Variants in BAHCC1 observed in about 807,000 individuals in gnomAD.
BAHCC1 encodes BAH and coiled-coil domain-containing protein 1.
Under a neutral mutation model 88.2 loss-of-function variants are expected in BAHCC1, and 43 were observed. The ratio of observed to expected loss-of-function variants is 0.49; its 90% CI spans 0.38 to 0.63. The LOEUF is 0.63. BAHCC1 is among the 20% of genes least tolerant of loss of function. The pLI is 0.00. For synonymous variants in BAHCC1, 1,510 were observed against 745.5 expected (o/e 2.03, Z -16.71); for missense variants, 3,023 against 1,654.8 (o/e 1.83, Z -14.34).
chr17:81,442,128 G>C lies in BAHCC1; in HGVS notation c.779G>C (p.Gly260Ala). ...HKLVLPVPAD[G>A]HCREGGPAPR... ...CTGGTGCTGCCCGTGCCAGCCGACGGGCACTGCAGGGAGGGCGGCCCCGCA... is the reference window on the plus strand; with the variant it reads ...CTGGTGCTGCCCGTGCCAGCCGACGCGCACTGCAGGGAGGGCGGCCCCGCA... Residue 260 changes from glycine to alanine, a missense_variant, in exon 5 of 28, where the codon GGG (glycine) becomes GCG (alanine). Coordinates refer to ENST00000675386, the MANE Select transcript of BAHCC1 (RefSeq NM_001377448.1). 1.5e-6 allele frequency: 1 copy of C among 674,168 alleles called. No individual in the cohort carries two copies. The allele number at this position is 674,168 out of a possible 1,614,324, so 41.8% of individuals were successfully genotyped here. A position where few individuals can be genotyped will look rare whatever the true frequency, so the allele number is the denominator to read the frequency against.
chr17:81,433,537 C>T (rs958636955), intron 3 of BAHCC1, among the ~76,000 whole-genome samples: 11 of 150,034 alleles, frequency 7.3e-5, no homozygotes, highest in African/African-American at 2.5e-4. Context: ...CAGGTGTCAT[C>T]AGTCCACCGA....
At position 81,435,929 on chromosome 17, in the gene BAHCC1, T is replaced by A. The variant is rs936444668; in HGVS notation, c.359-2441T>A. Among the ~76,000 whole-genome samples the A allele has an allele frequency of 2.0e-5, 3 of 152,234 alleles. No individual in the cohort carries two copies. The highest frequency in any genetic ancestry group is 4.1e-4 in the South Asian group (2 of 4,832). On this transcript the variant is annotated intron_variant, in intron 3 of 27. Coordinates refer to ENST00000675386, the MANE Select transcript of BAHCC1 (RefSeq NM_001377448.1). This position sits in a 1 kb window ranked among gnomAD's most constrained non-coding sequence, Gnocchi z 4.4. ...TGCTCTGATTCATAAAAATCATTTTTAAATTTTCTTTCTCAGTTTTGAGAG... is the reference window on the plus strand; with the variant it reads ...TGCTCTGATTCATAAAAATCATTTTAAAATTTTCTTTCTCAGTTTTGAGAG...
Position 81,411,494 on chromosome 17 carries a change from GCCTGCCTGCCTGCCTGCCTGCCTT to G in BAHCC1, c.178+11581_178+11604del, listed in dbSNP as rs1472113411. ...CCCACCCCTGCCTGCCTGCCTGCCT[GCCTGCCTGCCTGCCTGCCTGCCTT>G]CCTTCCTTCCTTCCTTCCTTCCTTC... On this transcript the variant is annotated intron_variant, in intron 2 of 27. Coordinates refer to ENST00000675386, the MANE Select transcript of BAHCC1 (RefSeq NM_001377448.1). The surrounding 1 kb of genome is among the most constrained non-coding windows in gnomAD (Gnocchi z 6.2). 1.0e-5 allele frequency: 3 copies of G among 295,956 alleles called. No homozygotes were observed. Among genetic ancestry groups the G allele is most frequent in the Admixed American group, 9.0e-5 (2 of 22,262 alleles). 18.3% of individuals were successfully genotyped at this position (295,956 alleles called of 1,614,324 possible).
chr17:81,455,457 T>G (rs538460193), intron 15 of BAHCC1, 67 bp downstream of exon 15: 12 of 691,380 alleles, frequency 1.7e-5, no homozygotes, highest in African/African-American at 1.6e-4. Flanking sequence ...TCCTGGCAGG[T>G]AGCAGACTCT....
At position 81,445,037 on chromosome 17, in the gene BAHCC1, A is replaced by C. The variant is rs535074724; in HGVS notation, c.2694A>C (p.Ser898=). The change falls in exon 9 of 28, where the codon TCA becomes TCC. Residue 898 remains serine (S), a synonymous_variant. Coordinates refer to ENST00000675386, the MANE Select transcript of BAHCC1 (RefSeq NM_001377448.1). ...HALADVMDQA[S]LWPPMYGGRG... The stretch of plus-strand genomic sequence containing the variant: ...CAGCGGATGTCATGGACCAGGCGTC[A>C]CTGTGGCCCCCCATGTACGGGGGCC... 1.3e-4 allele frequency: 97 copies of C among 764,596 alleles called. No individual in the cohort carries two copies. The East Asian group carries it at 2.3e-3, about 18-fold the overall frequency. The allele number at this position is 764,596 out of a possible 1,614,324, so 47.4% of individuals were successfully genotyped here.
At position 81,459,029 on chromosome 17, in the gene BAHCC1, G is replaced by A. The variant is rs371855456; in HGVS notation, c.5606-25G>A. On this transcript the variant is annotated intron_variant, in intron 20 of 27. Transcript: ENST00000675386. ...GGAGGGGTGGTGGGTAGGCCGTGCC[G>A]GCCGCTGACACCTTGTGCCCACAGC... The A allele has an allele frequency of 3.5e-4, 256 of 733,932 alleles. 2 individuals carry two copies. Among genetic ancestry groups the A allele is most frequent in the African/African-American group, 3.2e-3 (188 of 58,178 alleles). 45.5% of individuals were successfully genotyped at this position (733,932 alleles called of 1,614,324 possible).
At position 81,466,037 on chromosome 17, in the gene BAHCC1, C is replaced by CCCGCTTCTGCTGGGTT. The variant is rs1312705653; in HGVS notation, c.*2227_*2242dup. The CCCGCTTCTGCTGGGTT allele has an allele frequency of 4.6e-5, 7 of 152,534 alleles. No homozygotes were observed. The highest frequency in any genetic ancestry group is 1.7e-4 in the African/African-American group (7 of 41,440). The allele number at this position is 152,534 out of a possible 1,614,324, so 9.4% of individuals were successfully genotyped here. A position where few individuals can be genotyped will look rare whatever the true frequency, so the allele number is the denominator to read the frequency against. On this transcript the variant is annotated 3_prime_UTR_variant, in exon 28 of 28. Transcript: ENST00000675386. ...CTCTGCTCCGCCGCCTCGTCCTCGT[C>CCCGCTTCTGCTGGGTT]CCGCTTCTGCTGGGTTCCGCTTTGT... is the stretch of plus-strand genomic sequence containing the variant.
chr17:81,447,316 C>G lies in BAHCC1; in HGVS notation c.3444C>G (p.Pro1148=), dbSNP rs1336564919. Residue 1148 remains proline, a synonymous_variant, in exon 11 of 28, where the codon CCC becomes CCG. Transcript: ENST00000675386. ...ERGPQGKAAD[P]SPLEGLQELQ... ...GACCCCAGGGGAAGGCAGCGGACCC[C>G]AGCCCACTAGAGGGGCTACAAGAAC... The G allele has an allele frequency of 1.3e-6, 1 of 743,622 alleles. No homozygotes were observed. Among genetic ancestry groups the G allele is most frequent in the African/African-American group, 1.7e-5 (1 of 58,026 alleles). The allele number at this position is 743,622 out of a possible 1,614,324, so 46.1% of individuals were successfully genotyped here. A position where few individuals can be genotyped will look rare whatever the true frequency, so the allele number is the denominator to read the frequency against.
At chr17:81,446,434 G>A (rs1555654337) in intron 10 of BAHCC1, among the ~76,000 whole-genome samples, 1 of 150,184 alleles carries the variant, frequency 6.7e-6, no homozygotes, top group Non-Finnish European at 1.5e-5. Flanking sequence ...TGGCTCCTGA[G>A]GCCACCCCCA....
intron 3 of BAHCC1, among the ~76,000 whole-genome samples, chr17:81,431,945 C>T (rs1024392765): frequency 3.2e-4 from 49 of 152,302 alleles, no homozygotes; most frequent in African/African-American, 1.1e-3. Context: ...ACCCAGGCAC[C>T]GCAGGACAGG....
intron 1 of BAHCC1, chr17:81,395,933 G>A (rs899884796): frequency 5.9e-5 from 9 of 151,742 alleles, no homozygotes; most frequent in Admixed American, 1.3e-4. Flanking sequence ...TGTCTCGATC[G>A]ACACCCAGCA....
chr17:81,439,417 G>A (rs1323133656), intron 4 of BAHCC1, among the ~76,000 whole-genome samples: 1 of 151,994 alleles, frequency 6.6e-6, no homozygotes, highest in African/African-American at 2.4e-5. Flanking sequence ...GGTGGCCCCC[G>A]GTTTCTGGCC....
chr17:81,455,997 A>G (rs112421918), intron 15 of BAHCC1, among the ~76,000 whole-genome samples: 51 of 152,174 alleles, frequency 3.4e-4, no homozygotes, highest in African/African-American at 1.0e-3. Flanking sequence ...CCCTCCCTTT[A>G]GAAAAGCTAA....
rs2064438689 is a variant in BAHCC1 at position 81,442,453 on chromosome 17, G to A, written c.1104G>A (p.Gln368=). Reference sequence around the variant, plus strand: ...CCGCCGGCTCCTTCCCCTGCCTGCAGCTGCACGGGGGCCCTGACGGGCTCT... The same window carrying A: ...CCGCCGGCTCCTTCCCCTGCCTGCAACTGCACGGGGGCCCTGACGGGCTCT... The part of the protein sequence containing the change: ...STAAGSFPCL[Q]LHGGPDGLCP... Residue 368 remains glutamine (Q), a synonymous_variant, in exon 5 of 28, where the codon CAG becomes CAA. Transcript: ENST00000675386. 2.8e-6 allele frequency: 2 copies of A among 713,846 alleles called. No homozygotes were observed. The highest frequency in any genetic ancestry group is 5.2e-6 in the Non-Finnish European group (2 of 385,060). The allele number at this position is 713,846 out of a possible 1,614,324, so 44.2% of individuals were successfully genotyped here.
At chr17:81,417,555 A>ACCCCCCCC (rs58215427) in intron 2 of BAHCC1, among the ~76,000 whole-genome samples, 64 of 131,392 alleles carry the variant, frequency 4.9e-4, no homozygotes, top group African/African-American at 1.2e-3. Flanking sequence ...AGCGTCGGCC[A>ACCCCCCCC]CCCCCCCCCC....
Position 81,399,734 on chromosome 17 carries a change from C to A in BAHCC1, c.-6C>A. 5 of 1,105,242 alleles carry A rather than the reference C, an allele frequency of 4.5e-6. No individual in the cohort carries two copies. The highest frequency in any genetic ancestry group is 4.2e-5 in the South Asian group (1 of 23,832). 68.5% of individuals were successfully genotyped at this position (1,105,242 alleles called of 1,614,324 possible). ...AAGCGGCGGCGGACCGGGGCCGGGGCCCGGCATGGATGGCCGCGACTTTGC... is the reference window on the plus strand; with the variant it reads ...AAGCGGCGGCGGACCGGGGCCGGGGACCGGCATGGATGGCCGCGACTTTGC... On this transcript the variant is annotated 5_prime_UTR_variant, in exon 2 of 28. Transcript: ENST00000675386. The surrounding 1 kb of genome is among the most constrained non-coding windows in gnomAD (Gnocchi z 4.5).
Position 81,460,998 on chromosome 17 carries a change from C to T in BAHCC1, c.6335C>T (p.Ala2112Val), listed in dbSNP as rs782524026. 1 of 773,270 alleles carries T rather than the reference C, an allele frequency of 1.3e-6. No individual in the cohort carries two copies. The highest frequency in any genetic ancestry group is 2.4e-5 in the East Asian group (1 of 41,204). 47.9% of individuals were successfully genotyped at this position (773,270 alleles called of 1,614,324 possible). A position where few individuals can be genotyped will look rare whatever the true frequency, so the allele number is the denominator to read the frequency against. ...AQTKRKAVAA[A>V]SKGPGVLQNL... is the part of the protein sequence containing the mutation. Reference sequence around the variant, plus strand: ...ACCAAGCGGAAGGCGGTGGCAGCGGCCAGCAAGGGGCCGGGGGTGCTGCAG... The same window carrying T: ...ACCAAGCGGAAGGCGGTGGCAGCGGTCAGCAAGGGGCCGGGGGTGCTGCAG... Residue 2112 changes from alanine to valine, a missense_variant, in exon 26 of 28, where the codon GCC becomes GTC. Physicochemically the swap from Ala to Val is moderately conservative, Grantham distance 64 (BLOSUM62 0). Transcript: ENST00000675386.
Position 81,461,091 on chromosome 17 carries a change from G to T in BAHCC1, c.6428G>T (p.Ser2143Ile). The change falls in exon 26 of 28, where the codon AGC (serine) becomes ATC (isoleucine). Residue 2143 changes from serine to isoleucine, a missense_variant. Ser to Ile is a moderately radical substitution (Grantham distance 142). Coordinates refer to ENST00000675386, the MANE Select transcript of BAHCC1 (RefSeq NM_001377448.1). ...CGCGAGGCCCTGTTCCCCGTGCACAGCGTGGCCACACCCATATTTGGCAAC... is the reference window on the plus strand; with the variant it reads ...CGCGAGGCCCTGTTCCCCGTGCACATCGTGGCCACACCCATATTTGGCAAC... ...RAREALFPVH[S>I]VATPIFGNGF... 1 of 768,390 alleles carries T rather than the reference G, an allele frequency of 1.3e-6. No homozygotes were observed. The allele number at this position is 768,390 out of a possible 1,614,324, so 47.6% of individuals were successfully genotyped here. A position where few individuals can be genotyped will look rare whatever the true frequency, so the allele number is the denominator to read the frequency against.
rs1555659137 is a variant in BAHCC1, at chr17:81,461,102, C to T, written c.6439C>T (p.Pro2147Ser). 2.6e-6 allele frequency: 2 copies of T among 767,704 alleles called. No individual in the cohort carries two copies. Among genetic ancestry groups the T allele is most frequent in the Middle Eastern group, 2.3e-4 (1 of 4,440 alleles). The allele number at this position is 767,704 out of a possible 1,614,324, so 47.6% of individuals were successfully genotyped here. The change falls in exon 26 of 28, where the codon CCC becomes TCC. Residue 2147 changes from proline (P) to serine (S), a missense_variant. Coordinates refer to ENST00000675386, the MANE Select transcript of BAHCC1 (RefSeq NM_001377448.1). ...GTTCCCCGTGCACAGCGTGGCCACACCCATATTTGGCAACGGCTTCCGCGC... is the reference window on the plus strand; with the variant it reads ...GTTCCCCGTGCACAGCGTGGCCACATCCATATTTGGCAACGGCTTCCGCGC... ...ALFPVHSVAT[P>S]IFGNGFRADS...
Sources: gnomAD v4.1 joint callset for allele counts (sites outside exome capture counted in the v4.1 genomes callset) on GRCh38, gnomAD v4.1.1 for gene constraint, Gnocchi (gnomAD v3.1) non-coding constraint, MANE v1.5 for transcripts, NCBI Gene and HGNC (gene_info 2026-07-23, HGNC 2026-07-21) for gene names.